TRIM66: variants seen among roughly 807,000 people sequenced by gnomAD.
TRIM66 encodes the protein tripartite motif containing 66.
Under a neutral mutation model 148.2 loss-of-function variants are expected in TRIM66, and 99 were observed. The observed-to-expected ratio is 0.67, with a 90% CI of 0.57 to 0.79. The LOEUF (loss-of-function observed/expected upper bound fraction) is 0.79. Among genes scored for constraint, TRIM66 ranks in the 30% least tolerant of loss-of-function variants. The probability of loss-of-function intolerance (pLI) is 0.00; values close to 1 mark genes in which losing one functional copy is unlikely to be tolerated. For missense variants in TRIM66, 1,666 were observed against 1,697.9 expected, an observed-to-expected ratio of 0.98 and a Z score of 0.33; for synonymous variants, 616 against 635.9, an observed-to-expected ratio of 0.97 and a Z score of 0.47.
At chr11:8,626,296 ATATC>A (rs774869170) in intron 15 of TRIM66, among the ~76,000 whole-genome samples, 3 of 152,248 alleles carry the variant, frequency 2.0e-5, no homozygotes, top group Non-Finnish European at 4.4e-5. Context: ...GGAATTAGGC[ATATC>A]TATCTAAGTT....
intron 3 of TRIM66, among the ~76,000 whole-genome samples, chr11:8,678,467 T>C (rs1407194623): frequency 6.6e-6 from 1 of 152,204 alleles, no homozygotes; most frequent in African/African-American, 2.4e-5. Context: ...TATACAAGGG[T>C]TGAAAGGTAA....
intron 15 of TRIM66, among the ~76,000 whole-genome samples, chr11:8,625,469 G>GTGTGTGTGTGTGTA (rs1331171388): frequency 1.1e-5 from 1 of 87,448 alleles, no homozygotes; most frequent in Non-Finnish European, 2.4e-5. Context: ...ACTATTGTGT[G>GTGTGTGTGTGTGTA]TGTGTGTGTG....
At position 8,673,867 on chromosome 11, in the gene TRIM66, G is replaced by A. The variant is rs573233536; in HGVS notation, c.-112+939C>T. 1.3e-4 allele frequency among the ~76,000 whole-genome samples: 20 copies of A among 152,330 alleles called. No homozygotes were observed. In the South Asian group the frequency reaches 4.1e-3, roughly 32 times the overall value. ...TGGGTCTTGGTAATTATGCAAGTTT[G>A]AGAAAAATTTCACTCCAGTCTGAAG... On this transcript the variant is annotated intron_variant, in intron 4 of 24. Coordinates refer to ENST00000646038, the MANE Select transcript of TRIM66 (RefSeq NM_001388022.1).
intron 6 of TRIM66, among the ~76,000 whole-genome samples, chr11:8,657,081 C>T (rs1431110995): frequency 6.6e-6 from 1 of 152,170 alleles, no homozygotes; most frequent in African/African-American, 2.4e-5. Context: ...AAGTGGGGCC[C>T]ACACATGTCT....
chr11:8,620,309 CT>C, intron 21 of TRIM66, 136 bp downstream of exon 21: 1 of 1,421,694 alleles, frequency 7.0e-7, no homozygotes, highest in Non-Finnish European at 9.4e-7. Context: ...CCAAACACCC[CT>C]GGGCCAAGTT....
chr11:8,658,292 C>T (rs2038003815), intron 6 of TRIM66, among the ~76,000 whole-genome samples: 1 of 152,230 alleles, frequency 6.6e-6, no homozygotes, highest in Non-Finnish European at 1.5e-5. Context: ...GCATCTCCTT[C>T]CTAATCCTCT....
chr11:8,663,925 T>A (rs2038421751), intron 6 of TRIM66, among the ~76,000 whole-genome samples: 1 of 151,972 alleles, frequency 6.6e-6, no homozygotes, highest in Non-Finnish European at 1.5e-5. Flanking sequence ...AAAAAACTGA[T>A]CTCATAAAAG....
Position 8,645,754 on chromosome 11 carries a change from A to C in TRIM66, c.1091T>G (p.Phe364Cys), listed in dbSNP as rs1182049327. Residue 364 changes from phenylalanine (F) to cysteine (C), a missense_variant, in exon 12 of 25, where the codon TTC becomes TGC. Physicochemically the swap from Phe to Cys is radical, Grantham distance 205 (BLOSUM62 -2). This residue lies in a region of TRIM66 where 1,431 missense variants were observed against 1,412.4 expected (regional missense o/e 1.01). Transcript: ENST00000646038. Reference sequence around the variant, plus strand: ...GATTCCTCTTACCAGCTCTTTGCTGAAAAGAAAAGGGACACTGGTTTTGCT... The same window carrying C: ...GATTCCTCTTACCAGCTCTTTGCTGCAAAGAAAAGGGACACTGGTTTTGCT... Reference protein sequence around the residue: ...VCSKTSVPFLFSKELIVFQMQ... With the variant: ...VCSKTSVPFLCSKELIVFQMQ... The C allele has an allele frequency of 6.4e-7, 1 of 1,551,718 alleles. No homozygotes were observed.
chr11:8,668,590 A>T (rs1012336513), intron 6 of TRIM66, among the ~76,000 whole-genome samples: 38 of 143,778 alleles, frequency 2.6e-4, no homozygotes, highest in African/African-American at 6.1e-4. Flanking sequence ...ATTTTTATTT[A>T]TTTTTTTTTT....
chr11:8,648,916 T>C (rs540277690), intron 8 of TRIM66, among the ~76,000 whole-genome samples: 7 of 152,394 alleles, frequency 4.6e-5, no homozygotes, highest in Admixed American at 4.6e-4. Flanking sequence ...AAACCAGCTA[T>C]CCAGCCTTGC....
Position 8,640,270 on chromosome 11 carries a change from T to C in TRIM66, c.2105A>G (p.Gln702Arg), listed in dbSNP as rs767311667. The C allele has an allele frequency of 1.7e-5, 26 of 1,551,576 alleles. No individual in the cohort carries two copies. The highest frequency in any genetic ancestry group is 5.5e-5 in the African/African-American group (4 of 72,990). The change falls in exon 14 of 25, where the codon CAG (glutamine) becomes CGG (arginine). Residue 702 changes from glutamine (Q) to arginine (R), a missense_variant. This residue lies in a region of TRIM66 where 1,431 missense variants were observed against 1,412.4 expected (regional missense o/e 1.01). Transcript: ENST00000646038. ...GCTCTGGGACTGGACAGGTGCTGGC[T>C]GCCTCACGATGTAGTTGATCTGCCC... ...IVGQINYIVRQPAPVQSQSQE... is the reference protein window; with the variant it reads ...IVGQINYIVRRPAPVQSQSQE...
At chr11:8,619,834 T>C (rs1412767920) in intron 22 of TRIM66, among the ~76,000 whole-genome samples, 1 of 152,230 alleles carries the variant, frequency 6.6e-6, no homozygotes, top group Non-Finnish European at 1.5e-5. Flanking sequence ...TTGTCACTAC[T>C]CCCAGTGGCC....
Position 8,671,936 on chromosome 11 carries a change from T to TG in TRIM66, c.189dup (p.Met64HisfsTer28). On this transcript the variant is annotated frameshift_variant, in exon 6 of 25. Coordinates refer to ENST00000646038, the MANE Select transcript of TRIM66 (RefSeq NM_001388022.1). LOFTEE classifies it high-confidence loss of function. ...TGGCACAATGAGCAGGTCATTACCA[T>TG]GGCCTCCATCTGTCCACTCTTAGGG... 2 of 1,536,166 alleles carry TG rather than the reference T, an allele frequency of 1.3e-6. No individual in the cohort carries two copies. Among genetic ancestry groups the TG allele is most frequent in the Non-Finnish European group, 1.7e-6 (2 of 1,146,912 alleles).
upstream of TRIM66, chr11:8,682,747 C>T (rs1392659672): frequency 2.5e-6 from 4 of 1,609,458 alleles, no homozygotes; most frequent in Non-Finnish European, 2.6e-6. Context: ...GGCGTTTTGC[C>T]CCGCCCCCGT....
chr11:8,634,127 C>T (rs986331733), intron 15 of TRIM66, among the ~76,000 whole-genome samples: 3 of 152,156 alleles, frequency 2.0e-5, no homozygotes, highest in South Asian at 4.1e-4. Flanking sequence ...AACTGGGACC[C>T]GGATAGGGCT....
At chr11:8,656,337 C>A (rs1223539230) in intron 6 of TRIM66, among the ~76,000 whole-genome samples, 1 of 151,938 alleles carries the variant, frequency 6.6e-6, no homozygotes, top group Non-Finnish European at 1.5e-5. Context: ...ATGCTTTTTT[C>A]TATTTTATTC....
rs2034077469 is a variant in TRIM66 at position 8,620,247 on chromosome 11, C to G, written c.3673-123G>C. Reference sequence around the variant, plus strand: ...CAGGATGCCAGCTGCCATACTAAGGCACAATTCAGGTTCCCAAGCCAGAGG... The same window carrying G: ...CAGGATGCCAGCTGCCATACTAAGGGACAATTCAGGTTCCCAAGCCAGAGG... On this transcript the variant is annotated intron_variant, in intron 21 of 24. Coordinates refer to ENST00000646038, the MANE Select transcript of TRIM66 (RefSeq NM_001388022.1). The G allele has an allele frequency of 6.9e-6, 9 of 1,303,026 alleles. No individual in the cohort carries two copies. In the South Asian group the frequency reaches 1.3e-4, roughly 19 times the overall value. The allele number at this position is 1,303,026 out of a possible 1,614,324, so 80.7% of individuals were successfully genotyped here.
rs994887376 is a variant in TRIM66 at position 8,613,567 on chromosome 11, T to C, written c.*4377A>G. 1 of 152,212 alleles carries C rather than the reference T, an allele frequency of 6.6e-6. No individual in the cohort carries two copies. The highest frequency in any genetic ancestry group is 2.4e-5 in the African/African-American group (1 of 41,438). 9.4% of individuals were successfully genotyped at this position (152,212 alleles called of 1,614,324 possible). On this transcript the variant is annotated 3_prime_UTR_variant, in exon 25 of 25. Coordinates refer to ENST00000646038, the MANE Select transcript of TRIM66 (RefSeq NM_001388022.1). ...GTAAGGGGTAACAGACTCTGAGAAA[T>C]GCTGTTTTAATCTTGTGGAGAACTT...
At chr11:8,682,331 GCACTGCGGCCGGGAGACAA>G (rs1169967936) in intron 1 of TRIM66, 5 of 160,790 alleles carry the variant, frequency 3.1e-5, no homozygotes, top group Non-Finnish European at 6.9e-5. Context: ...TCGCGGTTCC[GCACTGCGGCCGGGAGACAA>G]ACCAGTAGCC....
Sources: allele counts gnomAD v4.1 joint callset (sites outside exome capture counted in the v4.1 genomes callset), GRCh38; gene constraint gnomAD v4.1.1; regional missense constraint gnomAD v4.1.1; transcripts MANE v1.5; gene names NCBI Gene and HGNC (gene_info 2026-07-23, HGNC 2026-07-21).